The following PIK3CG variants were observed in gnomAD, a reference collection of about 807,000 sequenced individuals.
PIK3CG encodes the protein phosphatidylinositol-4,5-bisphosphate 3-kinase catalytic subunit gamma, also known as phosphatidylinositol 4,5-bisphosphate 3-kinase catalytic subunit gamma isoform.
PIK3CG carries 55 observed loss-of-function variants against 102.3 expected under a neutral mutation model. The observed-to-expected ratio is 0.54, with a 90% CI of 0.43 to 0.67. The LOEUF is 0.67. Ranked by LOEUF, PIK3CG falls within the 30% of genes least tolerant of loss-of-function variation. The pLI is 0.00. For missense variants in PIK3CG, 1,258 were observed against 1,391.8 expected (o/e 0.90, Z 1.53); for synonymous variants, 552 against 540.0 (o/e 1.02, Z -0.31).
chr7:106,906,831 C>CTT lies in PIK3CG; in HGVS notation c.*1460_*1461dup, dbSNP rs571080689. 1,501 of 180,786 alleles carry CTT rather than the reference C, an allele frequency of 8.3e-3. 1 individual carries two copies. Among genetic ancestry groups the CTT allele is most frequent in the Middle Eastern group, 0.032 (18 of 570 alleles). 11.2% of individuals were successfully genotyped at this position (180,786 alleles called of 1,614,324 possible). On this transcript the variant is annotated 3_prime_UTR_variant, in exon 11 of 11. Transcript: ENST00000496166. ...GACTTTGAGGTAGTCCAGACCTTTT[C>CTT]TTTTTTTTTTTTTTTTTAATGTGTG...
At chr7:106,866,862 C>A (rs943118514) in intron 1 of PIK3CG, among the ~76,000 whole-genome samples, 2 of 152,126 alleles carry the variant, frequency 1.3e-5, no homozygotes, top group Non-Finnish European at 2.9e-5. Flanking sequence ...AAAAATGAAA[C>A]CAAGAGGCAG....
intron 10 of PIK3CG, among the ~76,000 whole-genome samples, chr7:106,896,679 C>T (rs1235596048): frequency 6.6e-6 from 1 of 152,290 alleles, no homozygotes; most frequent in East Asian, 1.9e-4. Flanking sequence ...CCACACAAGT[C>T]TCCCGCTTCT....
rs78567555 is a variant in PIK3CG, at chr7:106,906,961, TA to T, written c.*1584del. On this transcript the variant is annotated 3_prime_UTR_variant, in exon 11 of 11. Coordinates refer to ENST00000496166, the MANE Select transcript of PIK3CG (RefSeq NM_001282426.2). ...GGCAACACAGTGAGACTCCATCTCT[TA>T]AAAAAAAAATTAGCTGGGTATAGTG... 20,702 of 209,754 alleles carry T rather than the reference TA, an allele frequency of 0.099. 1,130 individuals are homozygous for T. The highest frequency in any genetic ancestry group is 0.19 in the South Asian group (1,000 of 5,208). The allele number at this position is 209,754 out of a possible 1,614,324, so 13.0% of individuals were successfully genotyped here.
chr7:106,875,246 C>T (rs563773631), intron 5 of PIK3CG, among the ~76,000 whole-genome samples: 93 of 151,236 alleles, frequency 6.1e-4, no homozygotes, highest in Non-Finnish European at 1.2e-3. Flanking sequence ...CCCAGCAACT[C>T]GGGAGGCTGA....
At chr7:106,875,213 G>T (rs1483733459) in intron 5 of PIK3CG, among the ~76,000 whole-genome samples, 1 of 152,054 alleles carries the variant, frequency 6.6e-6, no homozygotes, top group African/African-American at 2.4e-5. Flanking sequence ...AATTAGCCAG[G>T]CATGGTGGTG....
In PIK3CG at chr7:106,872,150, TTC is replaced by T. The variant is rs1790552924; in HGVS notation, c.1996-381_1996-380del. On this transcript the variant is annotated intron_variant, in intron 2 of 10. Transcript: ENST00000496166. This position sits in a 1 kb window ranked among gnomAD's most constrained non-coding sequence, Gnocchi z 5.3. Reference sequence around the variant, plus strand: ...TCCACTGTCCATTTTCTTTCTCACATTCTCTCTTACCTTCCACTTTATAGATT... The same window carrying T: ...TCCACTGTCCATTTTCTTTCTCACATTCTCTTACCTTCCACTTTATAGATT... Among the ~76,000 whole-genome samples the T allele has an allele frequency of 1.3e-5, 2 of 152,234 alleles. No homozygotes were observed. Among genetic ancestry groups the T allele is most frequent in the Non-Finnish European group, 2.9e-5 (2 of 68,036 alleles).
At chr7:106,901,564 C>T (rs1261652850) in intron 10 of PIK3CG, among the ~76,000 whole-genome samples, 1 of 152,134 alleles carries the variant, frequency 6.6e-6, no homozygotes, top group Non-Finnish European at 1.5e-5. Flanking sequence ...TCTGTCATTC[C>T]AGCCAGTTCA....
Position 106,895,713 on chromosome 7 carries a change from C to T in PIK3CG, c.3031-9396C>T, listed in dbSNP as rs144175151. Among the ~76,000 whole-genome samples the T allele has an allele frequency of 4.4e-3, 673 of 152,308 alleles. 3 individuals are homozygous for T. Among genetic ancestry groups the T allele is most frequent in the Middle Eastern group, 0.024 (7 of 294 alleles). On this transcript the variant is annotated intron_variant, in intron 10 of 10. Coordinates refer to ENST00000496166, the MANE Select transcript of PIK3CG (RefSeq NM_001282426.2). This position sits in a 1 kb window ranked among gnomAD's most constrained non-coding sequence, Gnocchi z 5.4. ...ACAGTATGTGTATTCAATAATGCAG[C>T]TCCTCGTGGTATTGATTAGTAATCA...
Position 106,868,143 on chromosome 7 carries a change from G to C in PIK3CG, c.582G>C (p.Lys194Asn), listed in dbSNP as rs1790379962. 3 of 1,613,380 alleles carry C rather than the reference G, an allele frequency of 1.9e-6. No individual in the cohort carries two copies. The highest frequency in any genetic ancestry group is 2.5e-6 in the Non-Finnish European group (3 of 1,180,010). The part of the protein sequence containing the change: ...RMAEVASRDP[K>N]LYAMHPWVTS... ...CGGAGGTGGCCAGCCGCGACCCCAA[G>C]CTCTACGCCATGCACCCGTGGGTGA... Residue 194 changes from lysine (K) to asparagine (N), a missense_variant, in exon 2 of 11, where the codon AAG becomes AAC. Coordinates refer to ENST00000496166, the MANE Select transcript of PIK3CG (RefSeq NM_001282426.2). The surrounding 1 kb of genome is among the most constrained non-coding windows in gnomAD (Gnocchi z 6.2).
intron 2 of PIK3CG, among the ~76,000 whole-genome samples, chr7:106,871,562 C>A (rs1790530194): frequency 6.6e-6 from 1 of 152,196 alleles, no homozygotes; most frequent in African/African-American, 2.4e-5. Flanking sequence ...TACACCATTT[C>A]TATTCATAAA....
intron 5 of PIK3CG, among the ~76,000 whole-genome samples, chr7:106,878,896 C>G (rs1790849304): frequency 6.6e-6 from 1 of 152,192 alleles, no homozygotes; most frequent in African/African-American, 2.4e-5. Context: ...CAATTTTGAT[C>G]TGTGGTGAAC....
At chr7:106,878,582 T>A (rs1790836199) in intron 5 of PIK3CG, among the ~76,000 whole-genome samples, 1 of 152,184 alleles carries the variant, frequency 6.6e-6, no homozygotes, top group South Asian at 2.1e-4. Flanking sequence ...GCTCACTTCA[T>A]TTGTCTTCCT....
intron 10 of PIK3CG, among the ~76,000 whole-genome samples, chr7:106,901,482 T>C (rs1012007460): frequency 9.2e-5 from 14 of 152,240 alleles, no homozygotes; most frequent in Non-Finnish European, 1.8e-4. Context: ...ATTCTTATTT[T>C]CCTTGGATTG....
At position 106,905,274 on chromosome 7, in the gene PIK3CG, A is replaced by G. The variant is rs2116618873; in HGVS notation, c.3196A>G (p.Lys1066Glu). 6.2e-7 allele frequency: 1 copy of G among 1,614,114 alleles called. No individual in the cohort carries two copies. Among genetic ancestry groups the G allele is most frequent in the South Asian group, 1.1e-5 (1 of 91,082 alleles). The change falls in exon 11 of 11, where the codon AAG becomes GAG. Residue 1066 changes from lysine (K) to glutamate (E), a missense_variant. This residue lies in a region of PIK3CG where 426 missense variants were observed against 604.2 expected (regional missense o/e 0.71). Coordinates refer to ENST00000496166, the MANE Select transcript of PIK3CG (RefSeq NM_001282426.2). The surrounding 1 kb of genome is among the most constrained non-coding windows in gnomAD (Gnocchi z 5.6). Reference protein sequence around the residue: ...TVGKNEEDAKKYFLDQIEVCR... With the variant: ...TVGKNEEDAKEYFLDQIEVCR... ...GGGGAAAAATGAGGAGGATGCTAAA[A>G]AGTATTTTCTTGATCAGATCGAAGT... is the stretch of plus-strand genomic sequence containing the variant.
intron 10 of PIK3CG, among the ~76,000 whole-genome samples, 182 bp from the exon 11 acceptor site, chr7:106,904,927 G>A (rs953824880): frequency 2.6e-5 from 4 of 152,124 alleles, no homozygotes; most frequent in Admixed American, 6.5e-5. Context: ...GCAACTACAC[G>A]GAAGTATTTA....
rs1790407836 is a variant in PIK3CG, at chr7:106,868,565, A to G, written c.1004A>G (p.Tyr335Cys). The G allele has an allele frequency of 1.2e-6, 2 of 1,614,166 alleles. No individual in the cohort carries two copies. Among genetic ancestry groups the G allele is most frequent in the Non-Finnish European group, 1.7e-6 (2 of 1,180,042 alleles). Reference sequence around the variant, plus strand: ...GATGACTGCACGGGAGTCACCGGCTACCATGAGCAGCTTACCATCCACGGC... The same window carrying G: ...GATGACTGCACGGGAGTCACCGGCTGCCATGAGCAGCTTACCATCCACGGC... ...LVDDCTGVTGYHEQLTIHGKD... is the reference protein window; with the variant it reads ...LVDDCTGVTGCHEQLTIHGKD... The change falls in exon 2 of 11, where the codon TAC becomes TGC. Residue 335 changes from tyrosine to cysteine, a missense_variant. Physicochemically the swap from Tyr to Cys is radical, Grantham distance 194. This residue lies in a region of PIK3CG where 832 missense variants were observed against 787.5 expected (regional missense o/e 1.06). Transcript: ENST00000496166. This position sits in a 1 kb window ranked among gnomAD's most constrained non-coding sequence, Gnocchi z 6.2.
rs774420702 is a variant in PIK3CG, at chr7:106,868,140, C to A, written c.579C>A (p.Pro193=). The change falls in exon 2 of 11, where the codon CCC becomes CCA. Residue 193 remains proline (P), a synonymous_variant. Transcript: ENST00000496166. This position sits in a 1 kb window ranked among gnomAD's most constrained non-coding sequence, Gnocchi z 6.2. ...PRMAEVASRD[P]KLYAMHPWVT... Reference sequence around the variant, plus strand: ...TGGCGGAGGTGGCCAGCCGCGACCCCAAGCTCTACGCCATGCACCCGTGGG... The same window carrying A: ...TGGCGGAGGTGGCCAGCCGCGACCCAAAGCTCTACGCCATGCACCCGTGGG... 6.2e-7 allele frequency: 1 copy of A among 1,613,308 alleles called. No individual in the cohort carries two copies. The highest frequency in any genetic ancestry group is 1.1e-5 in the South Asian group (1 of 91,094).
In PIK3CG at chr7:106,894,370, A is replaced by T. The variant is rs1304201628; in HGVS notation, c.3030+8078A>T. On this transcript the variant is annotated intron_variant, in intron 10 of 10. Coordinates refer to ENST00000496166, the MANE Select transcript of PIK3CG (RefSeq NM_001282426.2). This position sits in a 1 kb window ranked among gnomAD's most constrained non-coding sequence, Gnocchi z 4.4. The stretch of plus-strand genomic sequence containing the variant: ...TGCTTCTAGCTAAATATTCGAGAAG[A>T]TGACAGTACAGCCCTTCTCCTGGTA... Among the ~76,000 whole-genome samples, 1 of 152,196 alleles carries T rather than the reference A, an allele frequency of 6.6e-6. No homozygotes were observed. Among genetic ancestry groups the T allele is most frequent in the East Asian group, 1.9e-4 (1 of 5,192 alleles).
In PIK3CG at chr7:106,867,517, T is replaced by TTG; in HGVS notation, c.-12-30_-12-29dup. 1 of 1,513,684 alleles carries TTG rather than the reference T, an allele frequency of 6.6e-7. No individual in the cohort carries two copies. 93.8% of individuals were successfully genotyped at this position (1,513,684 alleles called of 1,614,324 possible). A position where few individuals can be genotyped will look rare whatever the true frequency, so the allele number is the denominator to read the frequency against. On this transcript the variant is annotated intron_variant, in intron 1 of 10. Coordinates refer to ENST00000496166, the MANE Select transcript of PIK3CG (RefSeq NM_001282426.2). The surrounding 1 kb of genome is among the most constrained non-coding windows in gnomAD (Gnocchi z 5.1). ...AAAATATAAGGGGAAAGTGCCTTTC[T>TTG]TGTGACAAATCCCTGTGTCCCTCCG... is the stretch of plus-strand genomic sequence containing the variant.
Sources: allele counts gnomAD v4.1 joint callset (sites outside exome capture counted in the v4.1 genomes callset), GRCh38; gene constraint gnomAD v4.1.1; regional missense constraint gnomAD v4.1.1; non-coding constraint Gnocchi (gnomAD v3.1); transcripts MANE v1.5; gene names NCBI Gene and HGNC (gene_info 2026-07-23, HGNC 2026-07-21).